LEPR: variants seen among roughly 807,000 people sequenced by gnomAD.
LEPR encodes leptin receptor.
LEPR carries 56 observed loss-of-function variants against 114.7 expected under a neutral mutation model. The ratio of observed to expected loss-of-function variants is 0.49; its 90% CI spans 0.39 to 0.61. The LOEUF (loss-of-function observed/expected upper bound fraction) is 0.61, where lower values mean the gene tolerates loss of function less well. LEPR is among the 20% of genes least tolerant of loss of function. The probability of loss-of-function intolerance (pLI) is 0.00; values close to 1 mark genes in which losing one functional copy is unlikely to be tolerated. For missense variants in LEPR, 1,202 were observed against 1,352.9 expected (o/e 0.89, Z 1.75); for synonymous variants, 443 against 461.4 (o/e 0.96, Z 0.51).
At chr1:65,454,370 C>T (rs6703342) in intron 2 of LEPR, among the ~76,000 whole-genome samples, 18,511 of 151,912 alleles carry the variant, frequency 0.12, 1,167 homozygotes, top group South Asian at 0.21. Context: ...GCAGTTTCTT[C>T]GTAGTCTCGA....
chr1:65,442,272 C>T (rs1646659234), intron 2 of LEPR, among the ~76,000 whole-genome samples: 1 of 152,200 alleles, frequency 6.6e-6, no homozygotes, highest in South Asian at 2.1e-4. Context: ...CTTGACCAGA[C>T]TTTCTATTGA....
intron 19 of LEPR, 55 bp downstream of exon 19, chr1:65,623,036 C>T: frequency 7.2e-6 from 11 of 1,530,932 alleles, no homozygotes; most frequent in African/African-American, 1.4e-5. Flanking sequence ...ATCTAGACGC[C>T]ATATGACTTA....
At chr1:65,572,205 A>G in intron 4 of LEPR, 121 bp from the exon 5 acceptor site, 1 of 1,273,912 alleles carries the variant, frequency 7.8e-7, no homozygotes, top group Non-Finnish European at 1.0e-6. Context: ...TAGGCAATGG[A>G]AGTTGTATCA....
chr1:65,556,476 T>C (rs1652822121), intron 2 of LEPR, among the ~76,000 whole-genome samples: 1 of 152,166 alleles, frequency 6.6e-6, no homozygotes, highest in African/African-American at 2.4e-5. Context: ...TGGAGAAATT[T>C]CAAGGGATTG....
intron 2 of LEPR, among the ~76,000 whole-genome samples, chr1:65,524,054 A>C (rs1649779845): frequency 6.6e-6 from 1 of 152,180 alleles, no homozygotes; most frequent in East Asian, 1.9e-4. Context: ...TTTCTCATAG[A>C]GCCTTGGGAG....
chr1:65,542,377 A>G (rs1217268103), intron 2 of LEPR, among the ~76,000 whole-genome samples: 1 of 152,018 alleles, frequency 6.6e-6, no homozygotes, highest in Non-Finnish European at 1.5e-5. Flanking sequence ...ACAACTATTT[A>G]TGAGTACTTA....
chr1:65,554,588 G>T (rs867467840), intron 2 of LEPR, among the ~76,000 whole-genome samples: 1 of 152,096 alleles, frequency 6.6e-6, no homozygotes, highest in Non-Finnish European at 1.5e-5. Flanking sequence ...GTCCCAGGTC[G>T]ATTTCTGCTG....
intron 5 of LEPR, among the ~76,000 whole-genome samples, chr1:65,573,540 C>G (rs1043533901): frequency 4.6e-5 from 7 of 152,144 alleles, no homozygotes; most frequent in African/African-American, 1.7e-4. Context: ...GCGAATATGT[C>G]ATTAAGTTTT....
At chr1:65,515,673 TC>T (rs1649249957) in intron 2 of LEPR, among the ~76,000 whole-genome samples, 1 of 152,222 alleles carries the variant, frequency 6.6e-6, no homozygotes, top group Non-Finnish European at 1.5e-5. Context: ...ATGTATTTGT[TC>T]CTCTTGTCTT....
rs914298840 is a variant in LEPR at position 65,633,269 on chromosome 1, C to A, written c.2674-2922C>A. The A allele has an allele frequency of 5.8e-6, 9 of 1,547,824 alleles. No individual in the cohort carries two copies. The Admixed American group carries it at 9.8e-5, about 17-fold the overall frequency. On this transcript the variant is annotated intron_variant, in intron 19 of 19. Coordinates refer to ENST00000349533, the MANE Select transcript of LEPR (RefSeq NM_002303.6). This position sits in a 1 kb window ranked among gnomAD's most constrained non-coding sequence, Gnocchi z 4.1. The stretch of plus-strand genomic sequence containing the variant: ...TACATTTTGAAGAAGGGGAGCAAAT[C>A]TAAAAAAAATTCAGTTGAACTTCTG...
At position 65,546,416 on chromosome 1, in the gene LEPR, G is replaced by A. The variant is rs1305138466; in HGVS notation, c.-20-19130G>A. Among the ~76,000 whole-genome samples the A allele has an allele frequency of 1.4e-4, 22 of 152,172 alleles. No homozygotes were observed. In the East Asian group the frequency reaches 2.3e-3, roughly 16 times the overall value. On this transcript the variant is annotated intron_variant, in intron 2 of 19. Coordinates refer to ENST00000349533, the MANE Select transcript of LEPR (RefSeq NM_002303.6). ...CCTTGGGCAGTATGGCCATTTTCAC[G>A]ATATTGATTCTTCCTACCCATGAGC... is the stretch of plus-strand genomic sequence containing the variant.
rs140610013 is a variant in LEPR at position 65,427,344 on chromosome 1, T to C, written c.-21+1966T>C. 2.7e-3 allele frequency among the ~76,000 whole-genome samples: 414 copies of C among 151,930 alleles called. 7 individuals are homozygous for C. The East Asian group carries it at 0.057, about 21-fold the overall frequency. On this transcript the variant is annotated intron_variant, in intron 2 of 19. Coordinates refer to ENST00000349533, the MANE Select transcript of LEPR (RefSeq NM_002303.6). ...ATCCCAGCACTTTGGGAGGCAACGGTAGGAGGATTGCTTGAAGCCAGGAGT... is the reference window on the plus strand; with the variant it reads ...ATCCCAGCACTTTGGGAGGCAACGGCAGGAGGATTGCTTGAAGCCAGGAGT...
intron 6 of LEPR, among the ~76,000 whole-genome samples, chr1:65,594,470 G>C (rs1280366471): frequency 3.3e-5 from 5 of 152,038 alleles, no homozygotes; most frequent in Admixed American, 3.3e-4. Context: ...TGGAGTTGTA[G>C]AGTGTGAAGG....
intron 7 of LEPR, among the ~76,000 whole-genome samples, chr1:65,597,824 C>T (rs1318452603): frequency 6.6e-6 from 1 of 152,106 alleles, no homozygotes; most frequent in African/African-American, 2.4e-5. Context: ...TCCTCAGTGT[C>T]ACATATGGAG....
chr1:65,565,124 G>A (rs1653638492), intron 2 of LEPR, among the ~76,000 whole-genome samples: 1 of 152,114 alleles, frequency 6.6e-6, no homozygotes, highest in Non-Finnish European at 1.5e-5. Context: ...CAATATCATA[G>A]TAAAGATAAA....
intron 2 of LEPR, among the ~76,000 whole-genome samples, chr1:65,540,664 A>C (rs1354585723): frequency 8.5e-5 from 13 of 152,188 alleles, no homozygotes; most frequent in Admixed American, 8.5e-4. Context: ...ACCCAGTCTC[A>C]GATATTCCTT....
At chr1:65,433,945 C>A (rs1223071972) in intron 2 of LEPR, 2 of 984,962 alleles carry the variant, frequency 2.0e-6, no homozygotes, top group Non-Finnish European at 2.4e-6. Flanking sequence ...TTTTAGGATA[C>A]CATCTTGAAT....
intron 2 of LEPR, among the ~76,000 whole-genome samples, chr1:65,476,135 T>C (rs1347224876): frequency 6.7e-6 from 1 of 150,110 alleles, no homozygotes; most frequent in Non-Finnish European, 1.5e-5. Flanking sequence ...GTTACTAATT[T>C]CCTAACCATA....
Position 65,596,498 on chromosome 1 carries a change from A to G in LEPR, c.754A>G (p.Asn252Asp). The change falls in exon 7 of 20, where the codon AAT becomes GAT. Residue 252 changes from asparagine (N) to aspartate (D), a missense_variant. By Grantham distance (23) the Asn-to-Asp change is conservative. Transcript: ENST00000349533. The part of the protein sequence containing the change: ...GLHMEITDDG[N>D]LKISWSSPPL... ...GCATATGGAAATCACAGATGATGGT[A>G]ATTTAAAGATTTCTTGGTCCAGCCC... 1 of 1,612,962 alleles carries G rather than the reference A, an allele frequency of 6.2e-7. No homozygotes were observed. Among genetic ancestry groups the G allele is most frequent in the Non-Finnish European group, 8.5e-7 (1 of 1,179,278 alleles).
Sources: allele counts gnomAD v4.1 joint callset (sites outside exome capture counted in the v4.1 genomes callset), GRCh38; gene constraint gnomAD v4.1.1; non-coding constraint Gnocchi (gnomAD v3.1); transcripts MANE v1.5; gene names NCBI Gene and HGNC (gene_info 2026-07-23, HGNC 2026-07-21).